Variants in TP63 observed in about 807,000 individuals in gnomAD.
TP63 encodes tumor protein p63.
TP63 carries 17 observed loss-of-function variants against 82.8 expected under a neutral mutation model. The observed-to-expected ratio is 0.21, with a 90% CI of 0.14 to 0.31. The LOEUF (loss-of-function observed/expected upper bound fraction) is 0.31. Among genes scored for constraint, TP63 ranks in the 10% least tolerant of loss-of-function variants. The probability of loss-of-function intolerance (pLI) is 1.00; values close to 1 mark genes in which losing one functional copy is unlikely to be tolerated. For synonymous variants in TP63, 330 were observed against 321.7 expected (o/e 1.03, Z -0.28); for missense variants, 648 against 895.3 (o/e 0.72, Z 3.52).
chr3:189,861,692 C>A lies in TP63; in HGVS notation c.580-2540C>A, dbSNP rs1417291412. ...ATGTTAAATAGACCACTTTTGAGCT[C>A]CATTTTAATGCTTGGAGAAGAGTCG... On this transcript the variant is annotated intron_variant, in intron 4 of 13. Transcript: ENST00000264731. 3.9e-5 allele frequency among the ~76,000 whole-genome samples: 6 copies of A among 152,104 alleles called. No homozygotes were observed. The East Asian group carries it at 1.2e-3, about 29-fold the overall frequency.
chr3:189,775,793 C>T (rs552176333), intron 3 of TP63, among the ~76,000 whole-genome samples: 3 of 152,158 alleles, frequency 2.0e-5, no homozygotes, highest in Non-Finnish European at 4.4e-5. Context: ...TAGTCACCAA[C>T]ATTTAACTGA....
At chr3:189,830,671 T>A (rs938963913) in intron 4 of TP63, among the ~76,000 whole-genome samples, 2 of 152,208 alleles carry the variant, frequency 1.3e-5, no homozygotes, top group African/African-American at 4.8e-5. Context: ...ATGGATAAGG[T>A]AAGGTCTCCA....
intron 1 of TP63, among the ~76,000 whole-genome samples, chr3:189,656,985 C>G (rs763096627): frequency 6.8e-6 from 1 of 147,300 alleles, no homozygotes; most frequent in Admixed American, 6.9e-5. Context: ...TGAAATATTA[C>G]TCAGCAAAAA....
chr3:189,697,227 G>C (rs1717444137), intron 1 of TP63, among the ~76,000 whole-genome samples: 1 of 111,166 alleles, frequency 9.0e-6, no homozygotes, highest in East Asian at 2.7e-4. Flanking sequence ...TGTATGTCTA[G>C]GTTCAGTTTT....
the TP63 span, among the ~76,000 whole-genome samples, chr3:189,597,436 A>C: frequency 6.6e-6 from 1 of 152,200 alleles, no homozygotes; most frequent in Non-Finnish European, 1.5e-5. Flanking sequence ...ACCAGAGGAA[A>C]TTTTAATCCT....
At chr3:189,663,153 A>C (rs1273279604) in intron 1 of TP63, among the ~76,000 whole-genome samples, 1 of 152,130 alleles carries the variant, frequency 6.6e-6, no homozygotes, top group Non-Finnish European at 1.5e-5. Context: ...AATTCTGTAG[A>C]GACCTTGAAG....
intron 10 of TP63, among the ~76,000 whole-genome samples, chr3:189,882,863 A>C (rs771194837): frequency 3.3e-5 from 5 of 152,194 alleles, no homozygotes; most frequent in Non-Finnish European, 7.4e-5. Flanking sequence ...AAAGTTAAGA[A>C]CTGGGACTTG....
chr3:189,829,167 A>C (rs1711905189), intron 4 of TP63, among the ~76,000 whole-genome samples: 2 of 152,336 alleles, frequency 1.3e-5, no homozygotes, highest in African/African-American at 4.8e-5. Flanking sequence ...CATATTACCA[A>C]ATCTAACTAT....
chr3:189,682,629 T>C (rs868243308), intron 1 of TP63, among the ~76,000 whole-genome samples: 20 of 149,414 alleles, frequency 1.3e-4, no homozygotes, highest in Middle Eastern at 3.5e-3. Flanking sequence ...AAGTATTATT[T>C]ATAATTGCAA....
Position 189,880,162 on chromosome 3 carries a change from G to A in TP63, c.1350-6232G>A, listed in dbSNP as rs777255243. On this transcript the variant is annotated intron_variant, in intron 10 of 13. Transcript: ENST00000264731. ...TTTAGACATTCCAAGCCCCCAAACCGATCAGTGTACCCATAGAGCCCTATC... is the reference window on the plus strand; with the variant it reads ...TTTAGACATTCCAAGCCCCCAAACCAATCAGTGTACCCATAGAGCCCTATC... 1.4e-5 allele frequency: 23 copies of A among 1,613,206 alleles called. No homozygotes were observed. The highest frequency in any genetic ancestry group is 3.3e-4 in the Middle Eastern group (2 of 6,078).
In TP63 at chr3:189,857,612, A is replaced by G. The variant is rs181943309; in HGVS notation, c.580-6620A>G. The stretch of plus-strand genomic sequence containing the variant: ...TAAAAGACTTGTAGCCAAAATACAT[A>G]AGGGACTCCTAAAACTCACATTAAA... On this transcript the variant is annotated intron_variant, in intron 4 of 13. Transcript: ENST00000264731. 3.3e-5 allele frequency among the ~76,000 whole-genome samples: 5 copies of G among 152,296 alleles called. No homozygotes were observed. The East Asian group carries it at 9.6e-4, about 29-fold the overall frequency.
At chr3:189,612,353 C>A in the TP63 span, among the ~76,000 whole-genome samples, 2,582 of 152,138 alleles carry the variant, frequency 0.017, 92 homozygotes, top group African/African-American at 0.057. Flanking sequence ...TTCATAAAAT[C>A]TGATGGCTTT....
At chr3:189,843,094 C>T (rs557327679) in intron 4 of TP63, among the ~76,000 whole-genome samples, 5 of 152,246 alleles carry the variant, frequency 3.3e-5, no homozygotes, top group Non-Finnish European at 7.3e-5. Flanking sequence ...CCCGCCCCTT[C>T]CCAAGGTGGG....
At chr3:189,798,530 G>C (rs1422588908) in intron 3 of TP63, among the ~76,000 whole-genome samples, 1 of 152,016 alleles carries the variant, frequency 6.6e-6, no homozygotes, top group Non-Finnish European at 1.5e-5. Flanking sequence ...TTTTTATCTT[G>C]CTTTGCAGGC....
chr3:189,819,271 A>G (rs893191657), intron 4 of TP63, among the ~76,000 whole-genome samples: 55 of 152,204 alleles, frequency 3.6e-4, no homozygotes, highest in African/African-American at 1.3e-3. Flanking sequence ...ATATAAGTAT[A>G]AGCAAATGTG....
At chr3:189,839,965 G>A (rs769857660) in intron 4 of TP63, among the ~76,000 whole-genome samples, 3 of 152,168 alleles carry the variant, frequency 2.0e-5, no homozygotes, top group Admixed American at 6.5e-5. Flanking sequence ...CTTATTTCAC[G>A]TTTAGGAGTT....
intron 4 of TP63, among the ~76,000 whole-genome samples, chr3:189,848,913 A>G (rs925606992): frequency 6.6e-6 from 1 of 152,164 alleles, no homozygotes; most frequent in African/African-American, 2.4e-5. Context: ...TGGGTTCAGA[A>G]TGGGGGTCTG....
chr3:189,633,252 G>A (rs1473401117), intron 1 of TP63, among the ~76,000 whole-genome samples: 2 of 151,620 alleles, frequency 1.3e-5, no homozygotes, highest in African/African-American at 4.9e-5. Context: ...TTTAAGTTCA[G>A]GGGTACAAGT....
At chr3:189,771,387 ATATATTAAATATATAAG>A (rs1208433881) in intron 3 of TP63, among the ~76,000 whole-genome samples, 3 of 138,384 alleles carry the variant, frequency 2.2e-5, no homozygotes, top group Admixed American at 7.8e-5. Context: ...AGACTATATT[ATATATTAAATATATAAG>A]TATATTAAAT....
Sources: allele counts gnomAD v4.1 joint callset (sites outside exome capture counted in the v4.1 genomes callset), GRCh38; gene constraint gnomAD v4.1.1; transcripts MANE v1.5; gene names NCBI Gene and HGNC (gene_info 2026-07-23, HGNC 2026-07-21).